ASTN2: variants seen among roughly 807,000 people sequenced by gnomAD.
ASTN2 encodes the protein astrotactin-2.
In ASTN2, 54 loss-of-function variants were observed where a neutral mutation model predicts 139.8. That is an observed-to-expected ratio of 0.39 (90% confidence interval 0.31 to 0.48). The LOEUF is 0.48. Among genes scored for constraint, ASTN2 ranks in the 20% least tolerant of loss-of-function variants. ASTN2 has a pLI of 0.95. For missense variants in ASTN2, 1,565 were observed against 1,725.1 expected, an observed-to-expected ratio of 0.91 and a Z score of 1.64; for synonymous variants, 756 against 719.5, an observed-to-expected ratio of 1.05 and a Z score of -0.81.
intron 1 of ASTN2, among the ~76,000 whole-genome samples, chr9:117,344,185 G>GA (rs36050108): frequency 0.31 from 47,295 of 150,702 alleles, 8,319 homozygotes; most frequent in East Asian, 0.55. Context: ...AGCACGTGGA[G>GA]AAAAAAAAAC....
intron 19 of ASTN2, among the ~76,000 whole-genome samples, chr9:116,514,862 G>C (rs1850572850): frequency 6.6e-6 from 1 of 152,260 alleles, no homozygotes; most frequent in Admixed American, 6.5e-5. Flanking sequence ...GTATTAGGGT[G>C]GGAGTGATCC....
intron 10 of ASTN2, among the ~76,000 whole-genome samples, chr9:116,913,218 T>G (rs139433064): frequency 1.0e-3 from 156 of 152,284 alleles, no homozygotes; most frequent in African/African-American, 3.7e-3. Flanking sequence ...CCAGGTAACT[T>G]AACATTTCTG....
At chr9:116,787,478 T>A (rs1408511544) in intron 13 of ASTN2, among the ~76,000 whole-genome samples, 3 of 152,180 alleles carry the variant, frequency 2.0e-5, no homozygotes, top group African/African-American at 7.2e-5. Context: ...TGTGGAAGGG[T>A]GGAAGCCCAA....
chr9:117,313,368 C>A (rs1437780469), intron 1 of ASTN2, among the ~76,000 whole-genome samples: 5 of 152,192 alleles, frequency 3.3e-5, no homozygotes, highest in Non-Finnish European at 7.3e-5. Context: ...AGGTCTTCTG[C>A]TGCTCAATGG....
chr9:116,658,626 C>T (rs1858368152), intron 16 of ASTN2, among the ~76,000 whole-genome samples: 2 of 151,968 alleles, frequency 1.3e-5, no homozygotes, highest in African/African-American at 4.8e-5. Context: ...CTGAACAAGC[C>T]CCCCAAGACA....
intron 13 of ASTN2, among the ~76,000 whole-genome samples, chr9:116,744,679 C>T (rs960230887): frequency 2.6e-5 from 4 of 152,120 alleles, no homozygotes; most frequent in African/African-American, 9.7e-5. Context: ...AGCAGTCAAG[C>T]CCATGCTCCT....
chr9:116,874,262 T>C (rs1214797841), intron 10 of ASTN2, among the ~76,000 whole-genome samples: 1 of 147,992 alleles, frequency 6.8e-6, no homozygotes, highest in Non-Finnish European at 1.5e-5. Flanking sequence ...GCAATTATGG[T>C]TTGCACTAAT....
In ASTN2 at chr9:116,509,056, C is replaced by T. The variant is rs748705502; in HGVS notation, c.3356-21556G>A. 5.4e-4 allele frequency among the ~76,000 whole-genome samples: 82 copies of T among 152,130 alleles called. 1 individual carries two copies. Among genetic ancestry groups the T allele is most frequent in the African/African-American group, 6.5e-4 (27 of 41,528 alleles). ...TAAGTTCTAGGGTACATGCGTACAA[C>T]GTGCAGGTTAGTTACATATGTATAC... On this transcript the variant is annotated intron_variant, in intron 19 of 22. Transcript: ENST00000313400.
chr9:116,754,137 A>G (rs1054360643), intron 13 of ASTN2, among the ~76,000 whole-genome samples: 3 of 152,160 alleles, frequency 2.0e-5, no homozygotes, highest in Non-Finnish European at 4.4e-5. Context: ...CAAAGGACAT[A>G]ACTCATCTTT....
chr9:116,702,205 C>T (rs1827841760), intron 16 of ASTN2, among the ~76,000 whole-genome samples: 1 of 152,062 alleles, frequency 6.6e-6, no homozygotes, highest in Admixed American at 6.6e-5. Flanking sequence ...TGATCCCTGC[C>T]TCCTAGAAGG....
At chr9:117,273,192 A>G (rs1834106139) in intron 2 of ASTN2, among the ~76,000 whole-genome samples, 1 of 152,228 alleles carries the variant, frequency 6.6e-6, no homozygotes, top group Non-Finnish European at 1.5e-5. Flanking sequence ...GTAGAAACCC[A>G]ATAAATCCAC....
chr9:116,585,419 A>C (rs1422446172), intron 19 of ASTN2: 2 of 152,186 alleles, frequency 1.3e-5, no homozygotes, highest in Admixed American at 1.3e-4. Context: ...ACTTTGGTTA[A>C]TTACTTACTG....
chr9:117,016,542 A>T (rs986016365), intron 6 of ASTN2, among the ~76,000 whole-genome samples: 10 of 147,154 alleles, frequency 6.8e-5, no homozygotes, highest in Non-Finnish European at 1.3e-4. Context: ...TATCCCAGAA[A>T]AAAGACCATG....
chr9:117,240,184 G>T (rs922408382), intron 2 of ASTN2, among the ~76,000 whole-genome samples: 1 of 152,210 alleles, frequency 6.6e-6, no homozygotes, highest in African/African-American at 2.4e-5. Context: ...TGGTGACTAA[G>T]ATGGGTCACT....
intron 19 of ASTN2, among the ~76,000 whole-genome samples, chr9:116,517,936 T>C (rs147535254): frequency 3.2e-4 from 48 of 152,180 alleles, no homozygotes; most frequent in African/African-American, 1.1e-3. Context: ...ACTTTCAAAT[T>C]AACCCAATCC....
intron 10 of ASTN2, among the ~76,000 whole-genome samples, chr9:116,865,830 G>A (rs750898120): frequency 2.0e-5 from 3 of 152,128 alleles, no homozygotes; most frequent in Non-Finnish European, 2.9e-5. Flanking sequence ...AAATGCTTAC[G>A]TGAAGAAATC....
chr9:117,233,053 C>A (rs1397670698), intron 2 of ASTN2, among the ~76,000 whole-genome samples: 1 of 152,110 alleles, frequency 6.6e-6, no homozygotes, highest in Non-Finnish European at 1.5e-5. Flanking sequence ...TGTTAACAAG[C>A]AAGTCTTCTA....
Position 116,534,155 on chromosome 9 carries a change from G to C in ASTN2, c.3356-46655C>G, listed in dbSNP as rs143209286. Among the ~76,000 whole-genome samples the C allele has an allele frequency of 3.7e-4, 57 of 152,256 alleles. 1 individual carries two copies. In the East Asian group the frequency reaches 0.011, roughly 28 times the overall value. Reference sequence around the variant, plus strand: ...TTTTCTAGCTTATCTGTGTAGAGTTGTCTCTAGTATTCTCTGATGGTAGTT... The same window carrying C: ...TTTTCTAGCTTATCTGTGTAGAGTTCTCTCTAGTATTCTCTGATGGTAGTT... On this transcript the variant is annotated intron_variant, in intron 19 of 22. Transcript: ENST00000313400.
intron 19 of ASTN2, among the ~76,000 whole-genome samples, chr9:116,513,361 G>A (rs933387745): frequency 2.6e-5 from 4 of 152,312 alleles, no homozygotes; most frequent in Middle Eastern, 3.4e-3. Context: ...AGTTTCTGCC[G>A]AGAGATCAGC....
Sources: allele counts gnomAD v4.1 joint callset (sites outside exome capture counted in the v4.1 genomes callset), GRCh38; gene constraint gnomAD v4.1.1; transcripts MANE v1.5; gene names NCBI Gene and HGNC (gene_info 2026-07-23, HGNC 2026-07-21).